The following OSBPL6 variants were observed in gnomAD, a reference collection of about 807,000 sequenced individuals.
OSBPL6 encodes oxysterol-binding protein-related protein 6.
Under a neutral mutation model 125.8 loss-of-function variants are expected in OSBPL6, and 49 were observed. The ratio of observed to expected loss-of-function variants is 0.39; its 90% CI spans 0.31 to 0.49. The LOEUF (loss-of-function observed/expected upper bound fraction) is 0.49. Ranked by LOEUF, OSBPL6 falls within the 20% of genes least tolerant of loss-of-function variation. The pLI is 0.88. For synonymous variants in OSBPL6, 394 were observed against 391.8 expected, an observed-to-expected ratio of 1.01 and a Z score of -0.07; for missense variants, 986 against 1,135.4, an observed-to-expected ratio of 0.87 and a Z score of 1.89.
intron 1 of OSBPL6, among the ~76,000 whole-genome samples, chr2:178,224,180 G>A (rs556609191): frequency 4.6e-5 from 7 of 152,260 alleles, no homozygotes; most frequent in Admixed American, 3.3e-4. Context: ...AAAGGAAAGG[G>A]GGATCAAGAG....
rs772409796 is a variant in OSBPL6 at position 178,361,799 on chromosome 2, G to A, written c.1271G>A (p.Arg424Gln). Residue 424 changes from arginine (R) to glutamine (Q), a missense_variant, in exon 13 of 25, where the codon CGA becomes CAA. Around this residue, in one of 3 missense-constraint regions of OSBPL6, gnomAD observed 843 missense variants for 997.3 expected, o/e 0.85. Transcript: ENST00000190611. ...CACAGCACGCAGATGGCACGGCTCC[G>A]ACAGTCACTGTCTCAGGTAGGCAAA... is the stretch of plus-strand genomic sequence containing the variant. ...KGHSTQMARLRQSLSQALNQN... is the reference protein window; with the variant it reads ...KGHSTQMARLQQSLSQALNQN... 2.4e-5 allele frequency: 39 copies of A among 1,613,912 alleles called. No individual in the cohort carries two copies. The highest frequency in any genetic ancestry group is 4.0e-5 in the African/African-American group (3 of 74,910).
At chr2:178,263,438 A>G (rs2092126578) in intron 1 of OSBPL6, among the ~76,000 whole-genome samples, 1 of 152,214 alleles carries the variant, frequency 6.6e-6, no homozygotes, top group East Asian at 1.9e-4. Flanking sequence ...AGATTGCACC[A>G]TTGCACTTCA....
intron 3 of OSBPL6, among the ~76,000 whole-genome samples, chr2:178,311,362 C>A (rs1687254630): frequency 6.6e-6 from 1 of 152,118 alleles, no homozygotes; most frequent in Non-Finnish European, 1.5e-5. Context: ...CTGCATGTAC[C>A]CATCTCTCCT....
At chr2:178,389,965 CA>C (rs1695260882) in intron 21 of OSBPL6, among the ~76,000 whole-genome samples, 1 of 151,972 alleles carries the variant, frequency 6.6e-6, no homozygotes, top group Admixed American at 6.6e-5. Flanking sequence ...TATTTTAGCC[CA>C]AAATGTTTTC....
chr2:178,285,748 C>T (rs937336764), intron 2 of OSBPL6, among the ~76,000 whole-genome samples: 2 of 152,190 alleles, frequency 1.3e-5, no homozygotes, highest in Admixed American at 6.5e-5. Context: ...TTATCCAAAG[C>T]TTTCTATTTC....
At chr2:178,367,759 T>G (rs1316967518) in intron 13 of OSBPL6, among the ~76,000 whole-genome samples, 1 of 152,228 alleles carries the variant, frequency 6.6e-6, no homozygotes, top group African/African-American at 2.4e-5. Flanking sequence ...GAAATGAGCA[T>G]GCATTGTAGT....
At chr2:178,371,252 A>G (rs1169060299) in intron 13 of OSBPL6, among the ~76,000 whole-genome samples, 1 of 152,214 alleles carries the variant, frequency 6.6e-6, no homozygotes, top group Non-Finnish European at 1.5e-5. Flanking sequence ...TCTGTAGTCT[A>G]TAAATGGAAC....
intron 12 of OSBPL6, among the ~76,000 whole-genome samples, chr2:178,358,451 T>A (rs1461803151): frequency 6.6e-6 from 1 of 152,074 alleles, no homozygotes; most frequent in African/African-American, 2.4e-5. Context: ...TCCAAACATA[T>A]ATGATCAACT....
chr2:178,214,677 G>A (rs1394441475), intron 1 of OSBPL6, among the ~76,000 whole-genome samples: 1 of 152,194 alleles, frequency 6.6e-6, no homozygotes, highest in Non-Finnish European at 1.5e-5. Context: ...CAGGCACGGT[G>A]GCTCATGCCT....
chr2:178,273,264 TTCTG>T (rs2092407159), intron 1 of OSBPL6, among the ~76,000 whole-genome samples: 1 of 152,198 alleles, frequency 6.6e-6, no homozygotes, highest in East Asian at 1.9e-4. Context: ...TTCGGCTTTA[TTCTG>T]TCTTTCTCTA....
intron 6 of OSBPL6, 79 bp downstream of exon 6, chr2:178,331,684 C>A: frequency 6.9e-7 from 1 of 1,448,680 alleles, no homozygotes; most frequent in Non-Finnish European, 9.7e-7. Flanking sequence ...ATTGTACAAG[C>A]CTTGTGCCAT....
At chr2:178,235,552 A>G (rs181276891) in intron 1 of OSBPL6, among the ~76,000 whole-genome samples, 2 of 151,658 alleles carry the variant, frequency 1.3e-5, no homozygotes, top group East Asian at 3.9e-4. Flanking sequence ...GACTACAGGC[A>G]TGTGCCACTA....
intron 1 of OSBPL6, among the ~76,000 whole-genome samples, chr2:178,245,757 T>TCA (rs779431301): frequency 1.3e-4 from 20 of 152,296 alleles, no homozygotes; most frequent in Middle Eastern, 3.4e-3. Flanking sequence ...TATAGCTCAT[T>TCA]CACTGCTGGG....
At chr2:178,377,790 T>G (rs1053582242) in intron 15 of OSBPL6, among the ~76,000 whole-genome samples, 1 of 152,162 alleles carries the variant, frequency 6.6e-6, no homozygotes, top group Admixed American at 6.5e-5. Flanking sequence ...TATCTACAAT[T>G]TAGAGTTGCC....
chr2:178,270,536 G>A (rs1330716544), intron 1 of OSBPL6, among the ~76,000 whole-genome samples: 1 of 152,140 alleles, frequency 6.6e-6, no homozygotes, highest in Non-Finnish European at 1.5e-5. Context: ...AATGTGAACC[G>A]ACATGGTTCC....
chr2:178,292,349 A>G (rs1442294883), intron 2 of OSBPL6, among the ~76,000 whole-genome samples: 1 of 152,216 alleles, frequency 6.6e-6, no homozygotes, highest in Non-Finnish European at 1.5e-5. Flanking sequence ...CAAATGATTA[A>G]TGACAGGAAC....
chr2:178,320,264 G>C lies in OSBPL6; in HGVS notation c.103-3913G>C, dbSNP rs553875909. 4.3e-6 allele frequency: 7 copies of C among 1,609,752 alleles called. 1 individual carries two copies. Among genetic ancestry groups the C allele is most frequent in the South Asian group, 3.3e-5 (3 of 90,678 alleles). On this transcript the variant is annotated intron_variant, in intron 3 of 24. Coordinates refer to ENST00000190611, the MANE Select transcript of OSBPL6 (RefSeq NM_032523.4). ...GCACATTTCCACTTGCTGCTCAGGA[G>C]GTATTGAGATCAATGAACACTAACC...
At position 178,317,732 on chromosome 2, in the gene OSBPL6, C is replaced by CT. The variant is rs750419514; in HGVS notation, c.103-6433dup. On this transcript the variant is annotated intron_variant, in intron 3 of 24. Coordinates refer to ENST00000190611, the MANE Select transcript of OSBPL6 (RefSeq NM_032523.4). ...TAAATATTAAAAAGATGTATATGGA[C>CT]TTTTTTTTTTTTGCTTGTATTGTTA... Among the ~76,000 whole-genome samples, 1,295 of 141,994 alleles carry CT rather than the reference C, an allele frequency of 9.1e-3. 9 individuals are homozygous for CT. Among genetic ancestry groups the CT allele is most frequent in the Non-Finnish European group, 0.012 (800 of 64,724 alleles). 93.2% of individuals were successfully genotyped at this position (141,994 alleles called of 152,430 possible). A position where few individuals can be genotyped will look rare whatever the true frequency, so the allele number is the denominator to read the frequency against.
At chr2:178,392,702 GAATTAAA>G (rs1249089727) in intron 23 of OSBPL6, among the ~76,000 whole-genome samples, 164 bp downstream of exon 23, 1 of 151,700 alleles carries the variant, frequency 6.6e-6, no homozygotes, top group Non-Finnish European at 1.5e-5. Flanking sequence ...TAAAAAAAAA[GAATTAAA>G]AATTAGCTGG....
Sources: allele counts gnomAD v4.1 joint callset (sites outside exome capture counted in the v4.1 genomes callset), GRCh38; gene constraint gnomAD v4.1.1; regional missense constraint gnomAD v4.1.1; transcripts MANE v1.5; gene names NCBI Gene and HGNC (gene_info 2026-07-23, HGNC 2026-07-21).